NCKAP5: variants seen among roughly 807,000 people sequenced by gnomAD.
NCKAP5 encodes the protein NCK associated protein 5, also known as nck-associated protein 5.
A neutral mutation model predicts 167.0 loss-of-function variants in NCKAP5; 92 were observed. The ratio of observed to expected loss-of-function variants is 0.55; its 90% CI spans 0.47 to 0.66. The LOEUF is 0.66. NCKAP5 is among the 30% of genes least tolerant of loss of function. The pLI is 0.00. For synonymous variants in NCKAP5, 891 were observed against 877.4 expected (o/e 1.02, Z -0.27); for missense variants, 2,378 against 2,315.0 (o/e 1.03, Z -0.56).
At chr2:132,953,644 C>T (rs1361770364) in intron 8 of NCKAP5, among the ~76,000 whole-genome samples, 1 of 150,582 alleles carries the variant, frequency 6.6e-6, no homozygotes. Context: ...AGAAGACAGA[C>T]AGGCAGACAG....
intron 6 of NCKAP5, among the ~76,000 whole-genome samples, chr2:133,011,721 G>A (rs560436691): frequency 6.6e-6 from 1 of 152,306 alleles, no homozygotes; most frequent in South Asian, 2.1e-4. Flanking sequence ...GAAGGAGCTT[G>A]TATCCACATC....
At chr2:133,229,593 C>A (rs956441470) in intron 4 of NCKAP5, among the ~76,000 whole-genome samples, 1 of 152,132 alleles carries the variant, frequency 6.6e-6, no homozygotes, top group Non-Finnish European at 1.5e-5. Flanking sequence ...CCAACCATGA[C>A]GTAGGTGCTA....
In NCKAP5 at chr2:133,517,559, T is replaced by C. The variant is rs12616987; in HGVS notation, c.-33A>G. On this transcript the variant is annotated 5_prime_UTR_variant, in exon 3 of 20. Transcript: ENST00000409261. ...GTTATTTATTTTCTTTTGTGACTTATAAGAATCCCCCGTCTGTTTCCAGGG... is the reference window on the plus strand; with the variant it reads ...GTTATTTATTTTCTTTTGTGACTTACAAGAATCCCCCGTCTGTTTCCAGGG... 2,480 of 1,403,160 alleles carry C rather than the reference T, an allele frequency of 1.8e-3. 64 individuals are homozygous for C. In the East Asian group the frequency reaches 0.05, roughly 28 times the overall value. The allele number at this position is 1,403,160 out of a possible 1,614,324, so 86.9% of individuals were successfully genotyped here.
At chr2:132,852,392 C>A (rs1689144780) in intron 11 of NCKAP5, among the ~76,000 whole-genome samples, 1 of 152,184 alleles carries the variant, frequency 6.6e-6, no homozygotes, top group East Asian at 1.9e-4. Context: ...ATCCTTAAAA[C>A]AAACTTTAGA....
chr2:132,907,270 A>G (rs1694071941), intron 8 of NCKAP5, among the ~76,000 whole-genome samples: 1 of 152,218 alleles, frequency 6.6e-6, no homozygotes, highest in South Asian at 2.1e-4. Context: ...GAGGTTGAAT[A>G]TAGACTTTTC....
chr2:133,103,329 G>A (rs1247469857), intron 6 of NCKAP5, among the ~76,000 whole-genome samples: 1 of 152,194 alleles, frequency 6.6e-6, no homozygotes, highest in Non-Finnish European at 1.5e-5. Context: ...GCCTGGGATT[G>A]AAGCCACTTG....
intron 5 of NCKAP5, among the ~76,000 whole-genome samples, chr2:133,134,411 A>G (rs1173198303): frequency 1.3e-5 from 2 of 152,116 alleles, no homozygotes; most frequent in Non-Finnish European, 2.9e-5. Flanking sequence ...AGTTTTGAGT[A>G]TTTTTCCCAT....
intron 5 of NCKAP5, among the ~76,000 whole-genome samples, chr2:133,191,938 AT>A (rs2085244298): frequency 6.6e-6 from 1 of 152,070 alleles, no homozygotes; most frequent in South Asian, 2.1e-4. Context: ...CCAGTGAGAT[AT>A]TTTTTAAATA....
At chr2:132,867,851 A>G (rs1374910060) in intron 10 of NCKAP5, among the ~76,000 whole-genome samples, 2 of 152,168 alleles carry the variant, frequency 1.3e-5, no homozygotes, top group South Asian at 2.1e-4. Context: ...GTTGCTCACA[A>G]TGGAACCTAA....
At chr2:133,497,583 C>T (rs1007249051) in intron 3 of NCKAP5, among the ~76,000 whole-genome samples, 1 of 152,172 alleles carries the variant, frequency 6.6e-6, no homozygotes, top group African/African-American at 2.4e-5. Flanking sequence ...CCAAGACATT[C>T]CTTCTATGGC....
intron 4 of NCKAP5, among the ~76,000 whole-genome samples, chr2:133,273,423 C>T (rs1362561825): frequency 6.6e-6 from 1 of 151,826 alleles, no homozygotes; most frequent in Non-Finnish European, 1.5e-5. Flanking sequence ...GGGCTCATTA[C>T]CCAATCTTCA....
chr2:133,380,673 A>G (rs1239281778), intron 3 of NCKAP5, among the ~76,000 whole-genome samples: 6 of 152,146 alleles, frequency 3.9e-5, no homozygotes, highest in Non-Finnish European at 7.4e-5. Context: ...TTGCTATTCT[A>G]TCTGTGCTGC....
chr2:133,062,177 A>G (rs1397578454), intron 6 of NCKAP5, among the ~76,000 whole-genome samples: 1 of 152,202 alleles, frequency 6.6e-6, no homozygotes, highest in Non-Finnish European at 1.5e-5. Flanking sequence ...AAACAAATTA[A>G]ATGTTCAACT....
chr2:132,779,372 C>T (rs1353829009), intron 15 of NCKAP5, among the ~76,000 whole-genome samples: 3 of 152,144 alleles, frequency 2.0e-5, no homozygotes, highest in Non-Finnish European at 4.4e-5. Flanking sequence ...AATTGAGTGC[C>T]TCTGATAAGG....
chr2:133,590,050 TG>T, the NCKAP5 span, among the ~76,000 whole-genome samples: 2 of 152,140 alleles, frequency 1.3e-5, no homozygotes, highest in Non-Finnish European at 2.9e-5. Flanking sequence ...CTTCCTTTTT[TG>T]TTAACCGGGG....
chr2:133,594,149 A>G, the NCKAP5 span, among the ~76,000 whole-genome samples: 1 of 152,244 alleles, frequency 6.6e-6, no homozygotes. Flanking sequence ...AGTCAATGAA[A>G]GTGATGAATT....
intron 11 of NCKAP5, among the ~76,000 whole-genome samples, chr2:132,796,970 GA>G (rs1263298761): frequency 6.6e-6 from 1 of 152,120 alleles, no homozygotes; most frequent in East Asian, 1.9e-4. Flanking sequence ...TGCCTTGGAA[GA>G]TATGTAGTAG....
chr2:133,353,060 G>A (rs1315772942), intron 3 of NCKAP5, among the ~76,000 whole-genome samples: 2 of 152,128 alleles, frequency 1.3e-5, no homozygotes, highest in African/African-American at 4.8e-5. Flanking sequence ...GGAAACTTTG[G>A]GCCATATTCA....
At chr2:133,436,988 T>C (rs1690525645) in intron 3 of NCKAP5, among the ~76,000 whole-genome samples, 1 of 152,144 alleles carries the variant, frequency 6.6e-6, no homozygotes, top group African/African-American at 2.4e-5. Flanking sequence ...AGTAACATTG[T>C]CGTATTTTTC....
Sources: gnomAD v4.1 joint callset for allele counts (sites outside exome capture counted in the v4.1 genomes callset) on GRCh38, gnomAD v4.1.1 for gene constraint, MANE v1.5 for transcripts, NCBI Gene and HGNC (gene_info 2026-07-23, HGNC 2026-07-21) for gene names.